ST18: variants seen among roughly 807,000 people sequenced by gnomAD.
ST18 encodes suppression of tumorigenicity 18 protein.
ST18 carries 50 observed loss-of-function variants against 110.0 expected under a neutral mutation model. That is an observed-to-expected ratio of 0.45 (90% CI 0.36 to 0.58). The LOEUF (loss-of-function observed/expected upper bound fraction) is 0.58, where lower values mean the gene tolerates loss of function less well. Ranked by LOEUF, ST18 falls within the 20% of genes least tolerant of loss-of-function variation. The pLI is 0.00. For synonymous variants in ST18, 461 were observed against 452.4 expected, an observed-to-expected ratio of 1.02 and a Z score of -0.24; for missense variants, 1,306 against 1,280.1, an observed-to-expected ratio of 1.02 and a Z score of -0.31.
intron 2 of ST18, among the ~76,000 whole-genome samples, chr8:52,252,913 G>A (rs993791997): frequency 7.2e-5 from 11 of 151,950 alleles, no homozygotes; most frequent in Non-Finnish European, 1.5e-5. Context: ...AGCAAAGTTA[G>A]GGAAGCCTAA....
intron 13 of ST18, among the ~76,000 whole-genome samples, chr8:52,161,881 C>T (rs183271147): frequency 6.6e-6 from 1 of 152,328 alleles, no homozygotes; most frequent in East Asian, 1.9e-4. Context: ...ATATTTGATG[C>T]TTATTAGCAT....
chr8:52,301,283 A>G (rs912454536), intron 2 of ST18, among the ~76,000 whole-genome samples: 1 of 152,228 alleles, frequency 6.6e-6, no homozygotes. Context: ...TTGATAACAA[A>G]ATATAAAAAA....
chr8:52,139,246 G>T (rs2053806296), intron 17 of ST18, among the ~76,000 whole-genome samples: 1 of 152,116 alleles, frequency 6.6e-6, no homozygotes, highest in Admixed American at 6.5e-5. Context: ...AGTATTCAGA[G>T]TGAGAGGTGT....
chr8:52,175,119 C>G (rs2066397963), intron 9 of ST18, among the ~76,000 whole-genome samples: 1 of 152,034 alleles, frequency 6.6e-6, no homozygotes, highest in Non-Finnish European at 1.5e-5. Context: ...CGTCACCTGC[C>G]TGAGCTTGGC....
intron 2 of ST18, among the ~76,000 whole-genome samples, chr8:52,329,195 G>A (rs757284876): frequency 3.3e-5 from 5 of 150,722 alleles, no homozygotes; most frequent in Non-Finnish European, 7.4e-5. Context: ...GTGTTTCTGG[G>A]TGTGTATTCC....
intron 2 of ST18, among the ~76,000 whole-genome samples, chr8:52,291,291 C>T (rs1032391120): frequency 5.3e-5 from 8 of 152,200 alleles, no homozygotes; most frequent in African/African-American, 1.2e-4. Flanking sequence ...TTCTGAGCTG[C>T]GCCCACACGA....
At chr8:52,388,858 T>G (rs1405796184) in intron 2 of ST18, among the ~76,000 whole-genome samples, 1 of 147,748 alleles carries the variant, frequency 6.8e-6, no homozygotes, top group Non-Finnish European at 1.5e-5. Flanking sequence ...GAGATATACC[T>G]AATGCTAAAT....
In ST18 at chr8:52,161,362, G is replaced by A; in HGVS notation, c.1594+13C>T. On this transcript the variant is annotated intron_variant, in intron 14 of 25. Coordinates refer to ENST00000689386, the MANE Select transcript of ST18 (RefSeq NM_001352837.2). ...AGCATTTTGGGGAAACGGCATTAGA[G>A]CTCAAAGCTTACATTCAGGAAATGG... 1 of 1,611,272 alleles carries A rather than the reference G, an allele frequency of 6.2e-7. No individual in the cohort carries two copies. The highest frequency in any genetic ancestry group is 8.5e-7 in the Non-Finnish European group (1 of 1,178,318).
chr8:52,134,820 AC>A (rs1337923050), intron 19 of ST18, among the ~76,000 whole-genome samples: 1 of 152,166 alleles, frequency 6.6e-6, no homozygotes, highest in East Asian at 1.9e-4. Context: ...GTGCTGAGTA[AC>A]CGTTCGTTTT....
In ST18 at chr8:52,111,286, T is replaced by A; in HGVS notation, c.*1912A>T. 3.5e-6 allele frequency: 1 copy of A among 282,100 alleles called. No individual in the cohort carries two copies. The highest frequency in any genetic ancestry group is 1.7e-4 in the South Asian group (1 of 5,986). The allele number at this position is 282,100 out of a possible 1,614,324, so 17.5% of individuals were successfully genotyped here. On this transcript the variant is annotated 3_prime_UTR_variant, in exon 26 of 26. Coordinates refer to ENST00000689386, the MANE Select transcript of ST18 (RefSeq NM_001352837.2). ...TTGTCTTTGTAATAAGTGAGCTCAT[T>A]TGTATGCATCTATGAAGTACTGTAT...
intron 19 of ST18, among the ~76,000 whole-genome samples, chr8:52,135,071 A>T (rs1001158365): frequency 6.6e-6 from 1 of 152,228 alleles, no homozygotes; most frequent in African/African-American, 2.4e-5. Flanking sequence ...GAAAATATTT[A>T]AGAGACCCAA....
chr8:52,169,808 G>T (rs542512738), intron 10 of ST18, among the ~76,000 whole-genome samples: 3 of 152,160 alleles, frequency 2.0e-5, no homozygotes, highest in Non-Finnish European at 4.4e-5. Flanking sequence ...TTGCTGACTA[G>T]CCTGCCTGGT....
chr8:52,147,160 T>A (rs1240717820), intron 16 of ST18, among the ~76,000 whole-genome samples: 1 of 152,170 alleles, frequency 6.6e-6, no homozygotes, highest in African/African-American at 2.4e-5. Flanking sequence ...AGAGCATCAA[T>A]CCACTCTAAA....
At chr8:52,193,271 T>TATGCAC (rs1413742331) in intron 8 of ST18, among the ~76,000 whole-genome samples, 1 of 148,216 alleles carries the variant, frequency 6.7e-6, no homozygotes, top group African/African-American at 2.5e-5. Context: ...TATACCATGG[T>TATGCAC]ATGCACCTCC....
intron 4 of ST18, among the ~76,000 whole-genome samples, chr8:52,221,103 CTAT>C (rs2086530307): frequency 1.3e-5 from 2 of 151,260 alleles, no homozygotes; most frequent in East Asian, 1.9e-4. Context: ...ATCTATCTAT[CTAT>C]CTATCTATCT....
chr8:52,142,328 A>T (rs1469480259), intron 17 of ST18, among the ~76,000 whole-genome samples: 2 of 152,014 alleles, frequency 1.3e-5, no homozygotes, highest in Non-Finnish European at 1.5e-5. Flanking sequence ...TTGATGAGGG[A>T]TACAGAAGAG....
chr8:52,131,549 C>A (rs2049586643), intron 22 of ST18, among the ~76,000 whole-genome samples: 1 of 152,128 alleles, frequency 6.6e-6, no homozygotes, highest in African/African-American at 2.4e-5. Flanking sequence ...ATTTTGCCCC[C>A]AAATTGAGCC....
Position 52,161,580 on chromosome 8 carries a change from G to A in ST18, c.1401-12C>T, listed in dbSNP as rs2061468212. 1.2e-6 allele frequency: 2 copies of A among 1,613,004 alleles called. No individual in the cohort carries two copies. Among genetic ancestry groups the A allele is most frequent in the African/African-American group, 2.7e-5 (2 of 74,826 alleles). Reference sequence around the variant, plus strand: ...TCACCAAACTTGTCCTGGAGAGGGGGGTGAAGCAGTTCAAAAGAAATACAA... The same window carrying A: ...TCACCAAACTTGTCCTGGAGAGGGGAGTGAAGCAGTTCAAAAGAAATACAA... On this transcript the variant is annotated splice_polypyrimidine_tract_variant and intron_variant, in intron 13 of 25. Coordinates refer to ENST00000689386, the MANE Select transcript of ST18 (RefSeq NM_001352837.2).
chr8:52,172,214 G>A lies in ST18; in HGVS notation c.647C>T (p.Pro216Leu), dbSNP rs377034114. The change falls in exon 10 of 26, where the codon CCT becomes CTT. Residue 216 changes from proline to leucine, a missense_variant. Transcript: ENST00000689386. ...GSNFSEETKP[P>L]RVPKYVLTDH... ...TGTTAAAACATACTTTGGGACTCTA[G>A]GTGGTTTGGTTTCTTCTGAGAAGTT... 2.5e-6 allele frequency: 4 copies of A among 1,614,004 alleles called. No homozygotes were observed. In the South Asian group the frequency reaches 3.3e-5, roughly 13 times the overall value.
Sources: allele counts gnomAD v4.1 joint callset (sites outside exome capture counted in the v4.1 genomes callset), GRCh38; gene constraint gnomAD v4.1.1; transcripts MANE v1.5; gene names NCBI Gene and HGNC (gene_info 2026-07-23, HGNC 2026-07-21).